RRP15: variants seen among roughly 807,000 people sequenced by gnomAD.
RRP15 encodes the protein RRP15-like protein.
In RRP15, 18 loss-of-function variants were observed where a neutral mutation model predicts 27.1. The ratio of observed to expected loss-of-function variants is 0.66; its 90% CI spans 0.46 to 0.98. The LOEUF is 0.98. Ranked by LOEUF, RRP15 falls within the 50% of genes least tolerant of loss-of-function variation. The probability of loss-of-function intolerance (pLI) is 0.00; values close to 1 mark genes in which losing one functional copy is unlikely to be tolerated. For synonymous variants in RRP15, 107 were observed against 109.4 expected (o/e 0.98, Z 0.14); for missense variants, 359 against 337.8 (o/e 1.06, Z -0.49).
At chr1:218,321,950 A>G (rs1210600467) in intron 4 of RRP15, among the ~76,000 whole-genome samples, 1 of 152,168 alleles carries the variant, frequency 6.6e-6, no homozygotes, top group Non-Finnish European at 1.5e-5. Flanking sequence ...GATATAGCAA[A>G]TTGAAATTAT....
rs183333259 is a variant in RRP15 at position 218,308,132 on chromosome 1, C to T, written c.705+500C>T. 4.0e-4 allele frequency among the ~76,000 whole-genome samples: 50 copies of T among 123,828 alleles called. 1 individual carries two copies. The highest frequency in any genetic ancestry group is 0.015 in the Middle Eastern group (2 of 132). 81.2% of individuals were successfully genotyped at this position (123,828 alleles called of 152,430 possible). On this transcript the variant is annotated intron_variant, in intron 4 of 4. Coordinates refer to ENST00000366932, the MANE Select transcript of RRP15 (RefSeq NM_016052.4). ...CCTGGCCCAGGCTGGAGTGCAGTGG[C>T]GCGATCTCGGCTCACTGAAACCTCC...
chr1:218,302,968 T>TA (rs1655838468), intron 2 of RRP15, among the ~76,000 whole-genome samples: 1 of 152,198 alleles, frequency 6.6e-6, no homozygotes. Flanking sequence ...GACAATGTCG[T>TA]AACTCAAGGA....
intron 3 of RRP15, 60 bp from the exon 4 acceptor site, chr1:218,307,371 A>C: frequency 1.4e-6 from 2 of 1,421,476 alleles, no homozygotes; most frequent in Non-Finnish European, 1.9e-6. Flanking sequence ...TCCTATCCTC[A>C]GAGTTTGTAT....
In RRP15 at chr1:218,285,343, T is replaced by A; in HGVS notation, c.27T>A (p.Arg9=). The change falls in exon 1 of 5, where the codon CGT becomes CGA. Residue 9 remains arginine, a synonymous_variant. Coordinates refer to ENST00000366932, the MANE Select transcript of RRP15 (RefSeq NM_016052.4). ...TGGCAGCCGCCGCTCCGGACTCACG[T>A]GTGAGTGAGGAAGAAAACCTGAAAA... MAAAAPDS[R]VSEEENLKKT... The A allele has an allele frequency of 6.2e-7, 1 of 1,613,974 alleles. No individual in the cohort carries two copies. The highest frequency in any genetic ancestry group is 2.2e-5 in the East Asian group (1 of 44,856).
At chr1:218,287,819 T>G (rs1443815950) in intron 1 of RRP15, among the ~76,000 whole-genome samples, 1 of 152,246 alleles carries the variant, frequency 6.6e-6, no homozygotes, top group South Asian at 2.1e-4. Context: ...TCACAGGGTC[T>G]TCTTTGCATA....
intron 4 of RRP15, among the ~76,000 whole-genome samples, chr1:218,315,242 T>C (rs892622527): frequency 2.0e-5 from 3 of 152,142 alleles, no homozygotes; most frequent in African/African-American, 7.2e-5. Context: ...GAGAATGCTT[T>C]TGAAATACCT....
intron 4 of RRP15, among the ~76,000 whole-genome samples, chr1:218,328,150 A>G (rs1273947958): frequency 2.0e-5 from 3 of 152,240 alleles, no homozygotes; most frequent in Non-Finnish European, 4.4e-5. Context: ...AAACAAAAAC[A>G]TCACCAAAAT....
chr1:218,304,770 GA>G (rs1347373541), intron 2 of RRP15, among the ~76,000 whole-genome samples: 2 of 152,148 alleles, frequency 1.3e-5, no homozygotes, highest in Non-Finnish European at 2.9e-5. Flanking sequence ...CTGCCTGGCC[GA>G]ATATGCTGGC....
chr1:218,330,901 A>G (rs370018227), intron 4 of RRP15, 47 bp from the exon 5 acceptor site: 8 of 1,561,068 alleles, frequency 5.1e-6, no homozygotes, highest in African/African-American at 1.4e-5. Flanking sequence ...TTGTTTCCTT[A>G]TGATGGAATT....
intron 1 of RRP15, 126 bp from the exon 2 acceptor site, chr1:218,302,168 G>T: frequency 1.5e-6 from 1 of 684,304 alleles, no homozygotes; most frequent in Non-Finnish European, 2.6e-6. Context: ...GTAGCTGTGG[G>T]ACTCAGAAAA....
In RRP15 at chr1:218,332,506, G is replaced by T. The variant is rs1251726169; in HGVS notation, c.*1415G>T. 6.6e-6 allele frequency: 1 copy of T among 151,956 alleles called. No individual in the cohort carries two copies. The highest frequency in any genetic ancestry group is 1.5e-5 in the Non-Finnish European group (1 of 67,990). 9.4% of individuals were successfully genotyped at this position (151,956 alleles called of 1,614,324 possible). The stretch of plus-strand genomic sequence containing the variant: ...AATAATTCCCTCCTACCACCCAGTT[G>T]CACATACTTGCATCTGTTATGTATT... On this transcript the variant is annotated 3_prime_UTR_variant, in exon 5 of 5. Transcript: ENST00000366932.
At chr1:218,291,480 G>A (rs1257017682) in intron 1 of RRP15, among the ~76,000 whole-genome samples, 5 of 141,520 alleles carry the variant, frequency 3.5e-5, no homozygotes, top group African/African-American at 1.3e-4. Context: ...ACAAAACTCT[G>A]AGATTAAAGA....
chr1:218,292,311 A>T, intron 1 of RRP15, among the ~76,000 whole-genome samples: 1 of 152,194 alleles, frequency 6.6e-6, no homozygotes, highest in East Asian at 1.9e-4. Context: ...TATTCAACAC[A>T]TATTTTCTCT....
intron 1 of RRP15, among the ~76,000 whole-genome samples, chr1:218,300,135 A>G (rs1244370050): frequency 6.6e-6 from 1 of 152,080 alleles, no homozygotes; most frequent in Admixed American, 6.6e-5. Flanking sequence ...TGTTTTCATT[A>G]ATTTTTTTGT....
chr1:218,309,263 T>C (rs1655952129), intron 4 of RRP15, among the ~76,000 whole-genome samples: 1 of 152,238 alleles, frequency 6.6e-6, no homozygotes, highest in African/African-American at 2.4e-5. Flanking sequence ...CTTTTAAAAA[T>C]GTGTGTTTTC....
At chr1:218,285,594 A>G (rs1036145610) in intron 1 of RRP15, 139 bp downstream of exon 1, 1 of 1,041,070 alleles carries the variant, frequency 9.6e-7, no homozygotes, top group African/African-American at 1.6e-5. Flanking sequence ...ACTTTGGCTT[A>G]GTGAGGAGGC....
At chr1:218,315,586 C>T (rs1656077047) in intron 4 of RRP15, among the ~76,000 whole-genome samples, 1 of 151,748 alleles carries the variant, frequency 6.6e-6, no homozygotes, top group Non-Finnish European at 1.5e-5. Context: ...TGCCACCGCA[C>T]CTGGCTTTAT....
chr1:218,314,759 G>A (rs1195914663), intron 4 of RRP15, among the ~76,000 whole-genome samples: 5 of 151,858 alleles, frequency 3.3e-5, no homozygotes, highest in African/African-American at 4.8e-5. Flanking sequence ...TTGGGAGGCC[G>A]AGGCAGGCTG....
intron 1 of RRP15, among the ~76,000 whole-genome samples, chr1:218,295,269 A>T (rs1655701793): frequency 6.6e-6 from 1 of 152,178 alleles, no homozygotes; most frequent in Admixed American, 6.5e-5. Context: ...GTTAAGATGC[A>T]ACTCTAACTA....
Sources: gnomAD v4.1 joint callset for allele counts (sites outside exome capture counted in the v4.1 genomes callset) on GRCh38, gnomAD v4.1.1 for gene constraint, MANE v1.5 for transcripts, NCBI Gene and HGNC (gene_info 2026-07-23, HGNC 2026-07-21) for gene names.